Variants in SGPL1 observed in about 807,000 individuals in gnomAD.
SGPL1 encodes SP-lyase 1.
A neutral mutation model predicts 68.9 loss-of-function variants in SGPL1; 37 were observed. The ratio of observed to expected loss-of-function variants is 0.54; its 90% CI spans 0.41 to 0.71. The LOEUF is 0.71. SGPL1 is among the 30% of genes least tolerant of loss of function. The probability of loss-of-function intolerance (pLI) is 0.00; values close to 1 mark genes in which losing one functional copy is unlikely to be tolerated. For synonymous variants in SGPL1, 236 were observed against 248.5 expected (o/e 0.95, Z 0.47); for missense variants, 551 against 704.6 (o/e 0.78, Z 2.47).
At chr10:70,858,544 CTAAA>C (rs1846000014) in intron 6 of SGPL1, among the ~76,000 whole-genome samples, 1 of 152,150 alleles carries the variant, frequency 6.6e-6, no homozygotes, top group African/African-American at 2.4e-5. Context: ...CTGTCCCTTA[CTAAA>C]TAAATATGGC....
intron 5 of SGPL1, among the ~76,000 whole-genome samples, chr10:70,856,143 C>T (rs945391218): frequency 1.3e-4 from 20 of 151,954 alleles, no homozygotes; most frequent in Admixed American, 3.9e-4. Context: ...TACAGGCGTG[C>T]GGCACCATAC....
chr10:70,833,434 C>T (rs185776853), intron 2 of SGPL1, among the ~76,000 whole-genome samples: 3 of 152,258 alleles, frequency 2.0e-5, no homozygotes, highest in Admixed American at 2.0e-4. Context: ...CTACTGGTTG[C>T]TTGGAATGGC....
rs1264106148 is a variant in SGPL1 at position 70,877,234 on chromosome 10, A to C, written c.1606A>C (p.Asn536His). ...CATGGCCCAGACAACTGTTGACAGG[A>C]ATATGGTTGCAGAATTGTCCTCAGT... The part of the protein sequence containing the change: ...YGMAQTTVDR[N>H]MVAELSSVFL... The change falls in exon 15 of 15, where the codon AAT becomes CAT. Residue 536 changes from asparagine to histidine, a missense_variant. Coordinates refer to ENST00000373202, the MANE Select transcript of SGPL1 (RefSeq NM_003901.4). The C allele has an allele frequency of 6.2e-7, 1 of 1,614,184 alleles. No homozygotes were observed. The highest frequency in any genetic ancestry group is 1.6e-4 in the Middle Eastern group (1 of 6,062).
chr10:70,834,224 T>G (rs1424917582), intron 2 of SGPL1, among the ~76,000 whole-genome samples: 1 of 152,204 alleles, frequency 6.6e-6, no homozygotes, highest in Admixed American at 6.5e-5. Context: ...ACACATTCTG[T>G]ACTCTGACCC....
intron 6 of SGPL1, among the ~76,000 whole-genome samples, chr10:70,857,916 T>A (rs1014151197): frequency 2.0e-5 from 3 of 152,208 alleles, no homozygotes; most frequent in Admixed American, 1.3e-4. Flanking sequence ...TTTCAGTCTT[T>A]GCAGATGTCC....
At chr10:70,824,790 C>T (rs2131851098) in intron 2 of SGPL1, among the ~76,000 whole-genome samples, 2 of 152,140 alleles carry the variant, frequency 1.3e-5, no homozygotes, top group Middle Eastern at 6.8e-3. Context: ...ATTATGCAGA[C>T]ATTTTCTAAA....
chr10:70,867,682 T>G (rs1039865598), intron 7 of SGPL1, among the ~76,000 whole-genome samples: 36 of 151,972 alleles, frequency 2.4e-4, no homozygotes, highest in African/African-American at 8.0e-4. Flanking sequence ...GTGAGGGAAA[T>G]AAGATGAATA....
Position 70,857,656 on chromosome 10 carries a change from G to A in SGPL1, c.452G>A (p.Ser151Asn), listed in dbSNP as rs1589465204. The change falls in exon 6 of 15, where the codon AGT (serine) becomes AAT (asparagine). Residue 151 changes from serine to asparagine, a missense_variant. Coordinates refer to ENST00000373202, the MANE Select transcript of SGPL1 (RefSeq NM_003901.4). ...QEGRASGTVY[S>N]GEEKLTELLV... ...GGGAGAGCCTCTGGAACAGTGTACA[G>A]TGGGGAGGAGAAGCTCACTGAGCTC... 6.2e-7 allele frequency: 1 copy of A among 1,613,196 alleles called. No homozygotes were observed. The highest frequency in any genetic ancestry group is 2.2e-5 in the East Asian group (1 of 44,834).
At chr10:70,841,226 A>G (rs890148365) in intron 2 of SGPL1, among the ~76,000 whole-genome samples, 2 of 152,144 alleles carry the variant, frequency 1.3e-5, no homozygotes, top group African/African-American at 4.8e-5. Flanking sequence ...CTGTTGGGGA[A>G]TTGCAGATAA....
chr10:70,863,195 C>T (rs534873945), intron 7 of SGPL1, among the ~76,000 whole-genome samples: 25 of 151,836 alleles, frequency 1.6e-4, no homozygotes, highest in African/African-American at 5.1e-4. Context: ...CCATGTTGCC[C>T]AGGCTGGTGT....
At chr10:70,868,673 G>A (rs1846238351) in intron 8 of SGPL1, among the ~76,000 whole-genome samples, 1 of 144,298 alleles carries the variant, frequency 6.9e-6, no homozygotes, top group Non-Finnish European at 1.5e-5. Flanking sequence ...ATCATGCATA[G>A]TATATACTAC....
At chr10:70,839,857 C>A (rs1053436762) in intron 2 of SGPL1, among the ~76,000 whole-genome samples, 1 of 151,582 alleles carries the variant, frequency 6.6e-6, no homozygotes, top group Admixed American at 6.6e-5. Context: ...GAATAATTGT[C>A]TTGGGCCACA....
At chr10:70,816,762 G>C (rs1845239414) in intron 1 of SGPL1, 49 bp from the exon 2 acceptor site, 9 of 1,307,494 alleles carry the variant, frequency 6.9e-6, no homozygotes, top group Non-Finnish European at 1.0e-5. Flanking sequence ...GCGGGCTGGC[G>C]AGACAGTTTA....
chr10:70,859,156 A>G (rs1846009062), intron 6 of SGPL1, among the ~76,000 whole-genome samples: 1 of 152,182 alleles, frequency 6.6e-6, no homozygotes, highest in Admixed American at 6.5e-5. Context: ...TTTTAACCAT[A>G]TTTATACTTC....
At chr10:70,867,700 C>G (rs1362815710) in intron 7 of SGPL1, among the ~76,000 whole-genome samples, 1 of 152,010 alleles carries the variant, frequency 6.6e-6, no homozygotes, top group Non-Finnish European at 1.5e-5. Flanking sequence ...ATAAAAAGAC[C>G]CCTACGTCTT....
intron 3 of SGPL1, among the ~76,000 whole-genome samples, chr10:70,849,965 T>C (rs2131894627): frequency 1.3e-5 from 2 of 152,356 alleles, no homozygotes; most frequent in Middle Eastern, 6.8e-3. Context: ...TTGCCTTTTA[T>C]GTCACTCGTA....
At chr10:70,856,012 T>C (rs1211013646) in intron 5 of SGPL1, among the ~76,000 whole-genome samples, 1 of 152,184 alleles carries the variant, frequency 6.6e-6, no homozygotes, top group Non-Finnish European at 1.5e-5. Context: ...TTTTATTTTT[T>C]GAGACAGAGT....
At chr10:70,851,122 A>G in intron 3 of SGPL1, 21 bp from the exon 4 acceptor site, 1 of 1,599,506 alleles carries the variant, frequency 6.3e-7, no homozygotes, top group Non-Finnish European at 8.6e-7. Flanking sequence ...TTTGAATAAG[A>G]GAACCATTTG....
At chr10:70,843,628 G>A (rs1845749013) in intron 2 of SGPL1, among the ~76,000 whole-genome samples, 1 of 152,214 alleles carries the variant, frequency 6.6e-6, no homozygotes, top group African/African-American at 2.4e-5. Flanking sequence ...TCTCGTGAAT[G>A]AGATACTCTG....
Sources: gnomAD v4.1 joint callset for allele counts (sites outside exome capture counted in the v4.1 genomes callset) on GRCh38, gnomAD v4.1.1 for gene constraint, MANE v1.5 for transcripts, NCBI Gene and HGNC (gene_info 2026-07-23, HGNC 2026-07-21) for gene names.